Variants in BICDL1 observed in about 807,000 individuals in gnomAD.
The protein encoded by BICDL1 is BICD family like cargo adaptor 1, also known as BICD family-like cargo adapter 1.
BICDL1 carries 20 observed loss-of-function variants against 76.8 expected under a neutral mutation model. The observed-to-expected ratio is 0.26, with a 90% confidence interval of 0.18 to 0.38. BICDL1 has a LOEUF of 0.38. Ranked by LOEUF, BICDL1 falls within the 10% of genes least tolerant of loss-of-function variation. BICDL1 has a pLI of 1.00. For synonymous variants in BICDL1, 383 were observed against 337.1 expected (o/e 1.14, Z -1.49); for missense variants, 700 against 798.6 (o/e 0.88, Z 1.49).
At chr12:120,081,535 G>C (rs868341607) in intron 8 of BICDL1, among the ~76,000 whole-genome samples, 1 of 151,796 alleles carries the variant, frequency 6.6e-6, no homozygotes, top group Admixed American at 6.6e-5. Context: ...TTTTAGTAGA[G>C]ACAGGGTTTC....
At chr12:120,029,998 C>CT (rs1178198770) in intron 2 of BICDL1, among the ~76,000 whole-genome samples, 2 of 152,104 alleles carry the variant, frequency 1.3e-5, no homozygotes, top group Non-Finnish European at 2.9e-5. Context: ...TTAAAATAGT[C>CT]TTTTTTCTTC....
At chr12:120,092,093 C>T in intron 9 of BICDL1, 1 of 985,444 alleles carries the variant, frequency 1.0e-6, no homozygotes, top group Non-Finnish European at 1.2e-6. Context: ...ACACAGGCTG[C>T]TCATATTTCT....
chr12:120,072,757 A>AC, intron 6 of BICDL1, 28 bp downstream of exon 6: 6 of 1,593,854 alleles, frequency 3.8e-6, no homozygotes, highest in Non-Finnish European at 5.1e-6. Flanking sequence ...GATGGTCCTT[A>AC]CCCCACAGGA....
chr12:120,006,613 G>C (rs548811694), intron 2 of BICDL1, among the ~76,000 whole-genome samples: 1 of 152,340 alleles, frequency 6.6e-6, no homozygotes, highest in Admixed American at 6.5e-5. Context: ...AACCTTTGGG[G>C]AGGTGAAGTT....
At chr12:120,033,816 A>C (rs1952479595) in intron 2 of BICDL1, among the ~76,000 whole-genome samples, 1 of 152,176 alleles carries the variant, frequency 6.6e-6, no homozygotes, top group Admixed American at 6.5e-5. Context: ...ATTTAGGTCA[A>C]ACATTTTTGG....
intron 4 of BICDL1, among the ~76,000 whole-genome samples, chr12:120,070,036 AC>A (rs1294148523): frequency 6.6e-6 from 1 of 152,116 alleles, no homozygotes; most frequent in African/African-American, 2.4e-5. Context: ...ACCGCAATTC[AC>A]TTATTTTATT....
At chr12:120,078,782 A>G (rs1002337497) in intron 7 of BICDL1, among the ~76,000 whole-genome samples, 1 of 152,236 alleles carries the variant, frequency 6.6e-6, no homozygotes, top group African/African-American at 2.4e-5. Context: ...AGCATATTAA[A>G]TGTTGGCTTT....
chr12:120,085,721 G>A (rs1435094179), intron 8 of BICDL1, among the ~76,000 whole-genome samples: 3 of 147,162 alleles, frequency 2.0e-5, no homozygotes, highest in Non-Finnish European at 3.0e-5. Flanking sequence ...GATCACTTGA[G>A]CCCAGAAGGT....
intron 2 of BICDL1, among the ~76,000 whole-genome samples, chr12:120,000,083 C>G (rs367948321): frequency 4.6e-5 from 7 of 151,856 alleles, no homozygotes; most frequent in African/African-American, 1.7e-4. Flanking sequence ...ACGTGTCTCA[C>G]AAGAATATGG....
intron 2 of BICDL1, among the ~76,000 whole-genome samples, chr12:120,053,520 T>C (rs1387882036): frequency 6.6e-6 from 1 of 152,228 alleles, no homozygotes; most frequent in Non-Finnish European, 1.5e-5. Context: ...TATTTGTTTA[T>C]TGATTAAATG....
intron 1 of BICDL1, among the ~76,000 whole-genome samples, 159 bp downstream of exon 1, chr12:119,990,456 T>C (rs1366090519): frequency 6.6e-6 from 1 of 152,178 alleles, no homozygotes; most frequent in Non-Finnish European, 1.5e-5. Context: ...GATTATCAGA[T>C]TTCGTTGAAC....
intron 2 of BICDL1, among the ~76,000 whole-genome samples, chr12:120,003,890 T>C (rs2138633995): frequency 6.6e-6 from 1 of 152,296 alleles, no homozygotes; most frequent in Admixed American, 6.5e-5. Context: ...GATTGGCCAT[T>C]ATTTGGGTTT....
rs1488915978 is a variant in BICDL1, at chr12:120,061,607, G to A, written c.646-103G>A. 5 of 829,124 alleles carry A rather than the reference G, an allele frequency of 6.0e-6. No individual in the cohort carries two copies. The Admixed American group carries it at 9.2e-5, about 15-fold the overall frequency. 51.4% of individuals were successfully genotyped at this position (829,124 alleles called of 1,614,324 possible). A position where few individuals can be genotyped will look rare whatever the true frequency, so the allele number is the denominator to read the frequency against. On this transcript the variant is annotated intron_variant, in intron 2 of 9. Transcript: ENST00000548673. ...AGCATCTCATCTAGTGCTCCTTAAA[G>A]AATAGAAAGTGCAAAGAGATGCTTG...
intron 2 of BICDL1, among the ~76,000 whole-genome samples, chr12:120,005,983 C>T (rs898814438): frequency 1.9e-4 from 29 of 152,292 alleles, no homozygotes; most frequent in Admixed American, 1.0e-3. Context: ...TTAATAGATA[C>T]TATCATATTG....
In BICDL1 at chr12:120,092,662, C is replaced by T. The variant is rs972177447; in HGVS notation, c.1705-338C>T. 3.5e-5 allele frequency: 34 copies of T among 985,336 alleles called. No homozygotes were observed. In the African/African-American group the frequency reaches 3.8e-4, roughly 11 times the overall value. The allele number at this position is 985,336 out of a possible 1,614,324, so 61.0% of individuals were successfully genotyped here. On this transcript the variant is annotated intron_variant, in intron 9 of 9. Transcript: ENST00000548673. ...GCCCACAGGACACAGGAGGCAGAGC[C>T]GTGAGGCCTGGTCAGAGCAGGTGGA...
chr12:119,998,290 AAC>A (rs1951692897), intron 1 of BICDL1, among the ~76,000 whole-genome samples: 2 of 152,322 alleles, frequency 1.3e-5, no homozygotes, highest in East Asian at 3.9e-4. Context: ...TAAACATAAT[AAC>A]TTTAAGTATT....
chr12:120,027,367 A>C (rs560054873), intron 2 of BICDL1, among the ~76,000 whole-genome samples: 2 of 152,226 alleles, frequency 1.3e-5, no homozygotes, highest in East Asian at 3.9e-4. Context: ...ATAAAGTTGA[A>C]TCTTGCCCTA....
intron 9 of BICDL1, chr12:120,091,867 T>C: frequency 1.0e-6 from 1 of 985,316 alleles, no homozygotes; most frequent in Non-Finnish European, 1.2e-6. Context: ...ATCTCGTCAG[T>C]GGCTGCTCGG....
chr12:119,989,766 AG>A lies in BICDL1; in HGVS notation c.-101del, dbSNP rs1372234042. ...ACCCGGGGGCGCGTGCCGCGGCGCG[AG>A]GCGAGGCGCGGGACGCGGGGCGGCG... On this transcript the variant is annotated 5_prime_UTR_variant, in exon 1 of 10. Coordinates refer to ENST00000548673, the MANE Select transcript of BICDL1 (RefSeq NM_001367886.1). The A allele has an allele frequency of 5.1e-6, 2 of 390,850 alleles. No homozygotes were observed. The highest frequency in any genetic ancestry group is 6.8e-6 in the Non-Finnish European group (2 of 293,412). The allele number at this position is 390,850 out of a possible 1,614,324, so 24.2% of individuals were successfully genotyped here. A position where few individuals can be genotyped will look rare whatever the true frequency, so the allele number is the denominator to read the frequency against.
Sources: allele counts gnomAD v4.1 joint callset (sites outside exome capture counted in the v4.1 genomes callset), GRCh38; gene constraint gnomAD v4.1.1; transcripts MANE v1.5; gene names NCBI Gene and HGNC (gene_info 2026-07-23, HGNC 2026-07-21).